CELF2: variants seen among roughly 807,000 people sequenced by gnomAD.
The protein encoded by CELF2 is CUGBP Elav-like family member 2, also known as CUG triplet repeat RNA-binding protein 2.
In CELF2, 8 loss-of-function variants were observed where a neutral mutation model predicts 62.6. That is an observed-to-expected ratio of 0.13 (90% CI 0.07 to 0.23). CELF2 has a LOEUF of 0.23. Among genes scored for constraint, CELF2 ranks in the 10% least tolerant of loss-of-function variants. The probability of loss-of-function intolerance (pLI) is 1.00; values close to 1 mark genes in which losing one functional copy is unlikely to be tolerated. For missense variants in CELF2, 333 were observed against 671.0 expected (o/e 0.50, Z 5.56); for synonymous variants, 258 against 250.0 (o/e 1.03, Z -0.30).
intron 8 of CELF2, 124 bp from the exon 9 acceptor site, chr10:11,288,294 G>A: frequency 8.3e-7 from 1 of 1,202,766 alleles, no homozygotes; most frequent in Non-Finnish European, 1.2e-6. Flanking sequence ...ACCCAGGCAG[G>A]TGACCTTGCA....
At chr10:10,588,109 A>C in the CELF2 span, among the ~76,000 whole-genome samples, 4 of 151,940 alleles carry the variant, frequency 2.6e-5, no homozygotes, top group African/African-American at 9.7e-5. Flanking sequence ...AAATGTTTCC[A>C]CCAACTGAGC....
the CELF2 span, among the ~76,000 whole-genome samples, chr10:10,595,768 C>T: frequency 2.6e-5 from 4 of 152,120 alleles, no homozygotes; most frequent in African/African-American, 9.7e-5. Context: ...TGATAGCATG[C>T]ACCTGTAGTC....
chr10:11,009,334 T>C (rs112514559), intron 1 of CELF2, among the ~76,000 whole-genome samples: 7 of 96,432 alleles, frequency 7.3e-5, no homozygotes, highest in African/African-American at 3.9e-4. Flanking sequence ...TGTGTGTGTG[T>C]GTGCGCGTGT....
rs543047812 is a variant in CELF2, at chr10:11,268,889, A to ATT, written c.619-1774_619-1773dup. Among the ~76,000 whole-genome samples, 74 of 152,326 alleles carry ATT rather than the reference A, an allele frequency of 4.9e-4. No homozygotes were observed. In the South Asian group the frequency reaches 0.015, roughly 30 times the overall value. ...AAGAACAAGGTCTTAAAAACAATTAATTTTATATCGTGCCTTCTGTTTCTC... is the reference window on the plus strand; with the variant it reads ...AAGAACAAGGTCTTAAAAACAATTAATTTTTTATATCGTGCCTTCTGTTTCTC... On this transcript the variant is annotated intron_variant, in intron 6 of 12. Coordinates refer to ENST00000633077, the MANE Select transcript of CELF2 (RefSeq NM_001326342.2). The surrounding 1 kb of genome is among the most constrained non-coding windows in gnomAD (Gnocchi z 4.7).
the CELF2 span, among the ~76,000 whole-genome samples, chr10:10,546,838 A>T: frequency 6.6e-6 from 1 of 150,930 alleles, no homozygotes; most frequent in Non-Finnish European, 1.5e-5. Context: ...CAGGTGCCGT[A>T]GCTCATGCCT....
At chr10:10,962,630 C>T (rs1028613572) in intron 2 of CELF2, among the ~76,000 whole-genome samples, 8 of 152,122 alleles carry the variant, frequency 5.3e-5, no homozygotes, top group Non-Finnish European at 7.4e-5. Flanking sequence ...GAGGCTGAGG[C>T]GGGAAGTTGG....
the CELF2 span, among the ~76,000 whole-genome samples, chr10:10,638,237 C>T: frequency 1.3e-5 from 2 of 152,170 alleles, no homozygotes; most frequent in Non-Finnish European, 2.9e-5. Context: ...TTCATGGGTC[C>T]TTTTGGTTTC....
intron 1 of CELF2, among the ~76,000 whole-genome samples, chr10:10,824,544 C>G (rs572685620): frequency 1.3e-5 from 2 of 152,346 alleles, no homozygotes; most frequent in South Asian, 2.1e-4. Context: ...TTTCCCCTTT[C>G]CCTGCCCCCA....
intron 1 of CELF2, among the ~76,000 whole-genome samples, chr10:11,126,481 T>C (rs1401601875): frequency 6.6e-6 from 1 of 152,188 alleles, no homozygotes; most frequent in Non-Finnish European, 1.5e-5. Flanking sequence ...TAGATACATA[T>C]ATATGTGTGT....
At chr10:11,294,040 G>A (rs930959065) in intron 9 of CELF2, among the ~76,000 whole-genome samples, 2 of 152,146 alleles carry the variant, frequency 1.3e-5, no homozygotes, top group African/African-American at 4.8e-5. Context: ...GGTCCAACAG[G>A]TTTCTGAAGA....
chr10:10,724,212 T>C, the CELF2 span, among the ~76,000 whole-genome samples: 1 of 152,238 alleles, frequency 6.6e-6, no homozygotes. Context: ...GTCGCGTTCT[T>C]GTCCTGGAGC....
chr10:10,617,018 A>G, the CELF2 span, among the ~76,000 whole-genome samples: 1 of 152,080 alleles, frequency 6.6e-6, no homozygotes, highest in Non-Finnish European at 1.5e-5. Flanking sequence ...CAGCCTCCCA[A>G]AGTGCTGGGA....
At chr10:11,004,768 G>T (rs1426052423), upstream of CELF2, among the ~76,000 whole-genome samples, 1 of 152,084 alleles carries the variant, frequency 6.6e-6, no homozygotes, top group Non-Finnish European at 1.5e-5. This position sits in a 1 kb window ranked among gnomAD's most constrained non-coding sequence, Gnocchi z 5.0. Context: ...ATGCATCTAT[G>T]ACTCAGGGTG....
the CELF2 span, among the ~76,000 whole-genome samples, chr10:10,561,335 T>C: frequency 3.3e-3 from 500 of 152,322 alleles, 2 homozygotes; most frequent in African/African-American, 0.011. Context: ...AGGACATTTA[T>C]TGGGCTGGGC....
the CELF2 span, among the ~76,000 whole-genome samples, chr10:10,696,786 C>A: frequency 2.0e-5 from 3 of 152,250 alleles, no homozygotes; most frequent in African/African-American, 7.2e-5. Context: ...TCCGTCACCC[C>A]TTTCTTTGAC....
intron 1 of CELF2, among the ~76,000 whole-genome samples, chr10:10,914,429 A>T (rs1035869210): frequency 2.0e-5 from 3 of 152,236 alleles, no homozygotes; most frequent in African/African-American, 7.2e-5. Flanking sequence ...AGCTGGCATC[A>T]CGCTTTGCAC....
Position 11,330,216 on chromosome 10 carries a change from CCTGTCCCT to C in CELF2, c.*1165_*1172del, listed in dbSNP as rs1392596131. On this transcript the variant is annotated 3_prime_UTR_variant, in exon 13 of 13. Transcript: ENST00000633077. This position sits in a 1 kb window ranked among gnomAD's most constrained non-coding sequence, Gnocchi z 4.5. ...ATTTGTTGAAACTGGACCTTCTCCC[CCTGTCCCT>C]CACCCCAAAACACCCGGAATCCATC... 1 of 152,596 alleles carries C rather than the reference CCTGTCCCT, an allele frequency of 6.6e-6. No individual in the cohort carries two copies. Among genetic ancestry groups the C allele is most frequent in the African/African-American group, 2.4e-5 (1 of 41,430 alleles). 9.5% of individuals were successfully genotyped at this position (152,596 alleles called of 1,614,324 possible). A position where few individuals can be genotyped will look rare whatever the true frequency, so the allele number is the denominator to read the frequency against.
intron 1 of CELF2, among the ~76,000 whole-genome samples, chr10:11,036,827 A>G (rs1485920887): frequency 1.3e-5 from 2 of 152,162 alleles, no homozygotes; most frequent in African/African-American, 4.8e-5. Context: ...TCATGAAAGT[A>G]TGTGTTCCAT....
At chr10:11,025,036 A>G (rs371559807) in intron 1 of CELF2, among the ~76,000 whole-genome samples, 52 of 152,324 alleles carry the variant, frequency 3.4e-4, no homozygotes, top group African/African-American at 1.2e-3. Context: ...GGTATTTTAT[A>G]TCCTTTCTCC....
Sources: gnomAD v4.1 joint callset for allele counts (sites outside exome capture counted in the v4.1 genomes callset) on GRCh38, gnomAD v4.1.1 for gene constraint, Gnocchi (gnomAD v3.1) non-coding constraint, MANE v1.5 for transcripts, NCBI Gene and HGNC (gene_info 2026-07-23, HGNC 2026-07-21) for gene names.